SRGAP2: variants seen among roughly 807,000 people sequenced by gnomAD.
SRGAP2 encodes the protein SLIT-ROBO Rho GTPase activating protein 2.
A neutral mutation model predicts 57.2 loss-of-function variants in SRGAP2; 15 were observed. The observed-to-expected ratio is 0.26, with a 90% CI of 0.18 to 0.40. SRGAP2 has a LOEUF of 0.40. Among genes scored for constraint, SRGAP2 ranks in the 10% least tolerant of loss-of-function variants. The pLI, the probability that SRGAP2 is intolerant of heterozygous loss-of-function variation, is 1.00. For missense variants in SRGAP2, 520 were observed against 669.6 expected (o/e 0.78, Z 2.47); for synonymous variants, 249 against 248.0 (o/e 1.00, Z -0.04).
In SRGAP2 at chr1:206,446,118, C is replaced by G. The variant is rs782600837; in HGVS notation, c.1918C>G (p.Leu640Val). 1.3e-6 allele frequency: 1 copy of G among 780,968 alleles called. No individual in the cohort carries two copies. The highest frequency in any genetic ancestry group is 2.4e-5 in the East Asian group (1 of 41,262). 48.4% of individuals were successfully genotyped at this position (780,968 alleles called of 1,614,324 possible). The change falls in exon 18 of 23, where the codon CTC becomes GTC. Residue 640 changes from leucine (L) to valine (V), a missense_variant. Coordinates refer to ENST00000573034, the MANE Select transcript of SRGAP2 (RefSeq NM_015326.5). ...AGAGAACATGATGGACCCCTACAAC[C>G]TCGCCATCTGCTTCGGGCCCTCGCT... ...SEENMMDPYNLAICFGPSLMS... is the reference protein window; with the variant it reads ...SEENMMDPYNVAICFGPSLMS...
rs1365235175 is a variant in SRGAP2 at position 206,461,737 on chromosome 1, C to G, written c.*317C>G. 6 of 276,132 alleles carry G rather than the reference C, an allele frequency of 2.2e-5. No homozygotes were observed. Among genetic ancestry groups the G allele is most frequent in the Non-Finnish European group, 4.1e-5 (6 of 145,596 alleles). 17.1% of individuals were successfully genotyped at this position (276,132 alleles called of 1,614,324 possible). ...TAAGGCAGTCCTGAGGACATGGGCT[C>G]AAGTCTCAGTCCCCTCAGACCACGG... On this transcript the variant is annotated 3_prime_UTR_variant, in exon 23 of 23. Coordinates refer to ENST00000573034, the MANE Select transcript of SRGAP2 (RefSeq NM_015326.5).
rs1449465088 is a variant in SRGAP2 at position 206,418,884 on chromosome 1, CTCTCTGTGTGTG to C, written c.1442-487_1442-476del. Among the ~76,000 whole-genome samples, 1,040 of 109,138 alleles carry C rather than the reference CTCTCTGTGTGTG, an allele frequency of 9.5e-3. 17 individuals carry two copies. The highest frequency in any genetic ancestry group is 0.046 in the African/African-American group (991 of 21,660). The allele number at this position is 109,138 out of a possible 152,430, so 71.6% of individuals were successfully genotyped here. A position where few individuals can be genotyped will look rare whatever the true frequency, so the allele number is the denominator to read the frequency against. On this transcript the variant is annotated intron_variant, in intron 11 of 22. Coordinates refer to ENST00000573034, the MANE Select transcript of SRGAP2 (RefSeq NM_015326.5). The stretch of plus-strand genomic sequence containing the variant: ...CCTCTTGTTCTCTCAGCCTCCAACT[CTCTCTGTGTGTG>C]TGTGTGTGTGTGTGTGTGTGTGTGT...
At chr1:206,431,298 A>G (rs953767553) in intron 14 of SRGAP2, among the ~76,000 whole-genome samples, 1 of 152,252 alleles carries the variant, frequency 6.6e-6, no homozygotes, top group African/African-American at 2.4e-5. Flanking sequence ...GGTACCATGC[A>G]TTGCCATGCA....
chr1:206,361,447 T>C (rs1676913072), intron 4 of SRGAP2, among the ~76,000 whole-genome samples: 1 of 152,226 alleles, frequency 6.6e-6, no homozygotes, highest in Non-Finnish European at 1.5e-5. Context: ...AGCATACTTC[T>C]TGCCCACTTT....
At chr1:206,260,447 A>G (rs1167012796) in intron 2 of SRGAP2, among the ~76,000 whole-genome samples, 2 of 152,202 alleles carry the variant, frequency 1.3e-5, no homozygotes, top group African/African-American at 4.8e-5. Context: ...TCCACCCTGT[A>G]GAACCCCTGC....
Position 206,341,856 on chromosome 1 carries a change from G to T in SRGAP2, c.261-990G>T, listed in dbSNP as rs543572746. ...CTACTAAAAATACAAAAGTTAGCTG[G>T]GCGTGGTGGCAGGTGCCTATAATCC... On this transcript the variant is annotated intron_variant, in intron 3 of 22. Coordinates refer to ENST00000573034, the MANE Select transcript of SRGAP2 (RefSeq NM_015326.5). Among the ~76,000 whole-genome samples, 413 of 152,142 alleles carry T rather than the reference G, an allele frequency of 2.7e-3. 4 individuals are homozygous for T. Among genetic ancestry groups the T allele is most frequent in the African/African-American group, 9.4e-3 (392 of 41,508 alleles).
intron 2 of SRGAP2, among the ~76,000 whole-genome samples, chr1:206,217,576 C>T (rs1207684715): frequency 2.0e-5 from 3 of 151,886 alleles, no homozygotes; most frequent in Non-Finnish European, 4.4e-5. Context: ...TTATCAAGTG[C>T]TTCTTATGTC....
chr1:206,461,516 A>G lies in SRGAP2; in HGVS notation c.*96A>G, dbSNP rs1207296635. ...ACTAGCTTGGGGACTTCAGTTGAAAATTAGGTTCTAAGTTGTTCTTGCAGG... is the reference window on the plus strand; with the variant it reads ...ACTAGCTTGGGGACTTCAGTTGAAAGTTAGGTTCTAAGTTGTTCTTGCAGG... On this transcript the variant is annotated 3_prime_UTR_variant, in exon 23 of 23. Coordinates refer to ENST00000573034, the MANE Select transcript of SRGAP2 (RefSeq NM_015326.5). 9.0e-6 allele frequency: 6 copies of G among 665,132 alleles called. No individual in the cohort carries two copies. The African/African-American group carries it at 1.1e-4, about 12-fold the overall frequency. 41.2% of individuals were successfully genotyped at this position (665,132 alleles called of 1,614,324 possible).
chr1:206,450,514 A>G, intron 19 of SRGAP2, 49 bp downstream of exon 19: 1 of 774,666 alleles, frequency 1.3e-6, no homozygotes, highest in Non-Finnish European at 2.4e-6. Flanking sequence ...GGTGAGGCAG[A>G]AGGAAGTGAT....
intron 2 of SRGAP2, chr1:206,296,827 A>G (rs1658452818): frequency 6.6e-6 from 1 of 152,064 alleles, no homozygotes; most frequent in Non-Finnish European, 1.5e-5. Context: ...TAGTTTACTG[A>G]AAGTATCTTG....
At chr1:206,447,994 C>T (rs569450896) in intron 18 of SRGAP2, among the ~76,000 whole-genome samples, 1 of 152,348 alleles carries the variant, frequency 6.6e-6, no homozygotes, top group Admixed American at 6.5e-5. Flanking sequence ...ATTACTACCG[C>T]AGACTGTGTG....
chr1:206,266,432 G>A (rs1669853013), intron 2 of SRGAP2, among the ~76,000 whole-genome samples: 1 of 151,936 alleles, frequency 6.6e-6, no homozygotes, highest in African/African-American at 2.4e-5. Context: ...TAGTAGAGAT[G>A]GAGTTTCTCC....
chr1:206,227,142 A>C (rs1290270620), intron 2 of SRGAP2, among the ~76,000 whole-genome samples: 2 of 150,756 alleles, frequency 1.3e-5, no homozygotes, highest in South Asian at 2.1e-4. Flanking sequence ...AGGTCATACC[A>C]ATCACACTAT....
At chr1:206,314,248 C>T (rs1229984131) in intron 3 of SRGAP2, among the ~76,000 whole-genome samples, 1 of 151,818 alleles carries the variant, frequency 6.6e-6, no homozygotes, top group Non-Finnish European at 1.5e-5. Context: ...TATTCTCCTG[C>T]CTCAGCCTCC....
At chr1:206,372,894 CTCTCCTTTCTTTCTT>C (rs1654656237) in intron 4 of SRGAP2, among the ~76,000 whole-genome samples, 7 of 56,912 alleles carry the variant, frequency 1.2e-4, no homozygotes, top group African/African-American at 2.2e-4. Flanking sequence ...CTTTCTTTCT[CTCTCCTTTCTTTCTT>C]TCTTTCTTTC....
At chr1:206,258,270 A>G (rs1287848921) in intron 2 of SRGAP2, among the ~76,000 whole-genome samples, 1 of 152,156 alleles carries the variant, frequency 6.6e-6, no homozygotes, top group Non-Finnish European at 1.5e-5. Flanking sequence ...GTCCATGGCT[A>G]TTTTTAATGT....
chr1:206,307,598 G>A (rs1299413550), intron 3 of SRGAP2, among the ~76,000 whole-genome samples: 12 of 152,238 alleles, frequency 7.9e-5, no homozygotes, highest in Admixed American at 2.0e-4. Flanking sequence ...GCCCTGCCCC[G>A]CGGGAAGGCA....
intron 4 of SRGAP2, among the ~76,000 whole-genome samples, chr1:206,369,316 G>A (rs1553342203): frequency 1.3e-5 from 2 of 151,914 alleles, no homozygotes; most frequent in Non-Finnish European, 2.9e-5. Context: ...GAAAATATAG[G>A]TGTAAGTCTT....
At chr1:206,360,622 A>G (rs1676836331) in intron 4 of SRGAP2, among the ~76,000 whole-genome samples, 1 of 152,248 alleles carries the variant, frequency 6.6e-6, no homozygotes, top group African/African-American at 2.4e-5. Flanking sequence ...TGGAGCCAAT[A>G]GGATTTGCTG....
Sources: allele counts gnomAD v4.1 joint callset (sites outside exome capture counted in the v4.1 genomes callset), GRCh38; gene constraint gnomAD v4.1.1; transcripts MANE v1.5; gene names NCBI Gene and HGNC (gene_info 2026-07-23, HGNC 2026-07-21).